RLF: variants seen among roughly 807,000 people sequenced by gnomAD.
RLF encodes RLF zinc finger.
Under a neutral mutation model 162.9 loss-of-function variants are expected in RLF, and 7 were observed. The observed-to-expected ratio is 0.04, with a 90% CI of 0.02 to 0.08. The LOEUF is 0.08. Among genes scored for constraint, RLF ranks in the 10% least tolerant of loss-of-function variants. The probability of loss-of-function intolerance (pLI) is 1.00; values close to 1 mark genes in which losing one functional copy is unlikely to be tolerated. For synonymous variants in RLF, 782 were observed against 791.5 expected (o/e 0.99, Z 0.20); for missense variants, 1,664 against 2,244.7 (o/e 0.74, Z 5.23).
chr1:40,235,813 G>T lies in RLF; in HGVS notation c.1111G>T (p.Val371Leu). 4 of 1,592,746 alleles carry T rather than the reference G, an allele frequency of 2.5e-6. No individual in the cohort carries two copies. The highest frequency in any genetic ancestry group is 4.5e-5 in the East Asian group (2 of 44,506). The change falls in exon 8 of 8, where the codon GTG (valine) becomes TTG (leucine). Residue 371 changes from valine (V) to leucine (L), a missense_variant. This residue lies in a region of RLF where 287 missense variants were observed against 404.9 expected (regional missense o/e 0.71). Coordinates refer to ENST00000372771, the MANE Select transcript of RLF (RefSeq NM_012421.4). ...ACAGGCACAAGATGCTGGTCTTGGG[G>T]TGTCAATTTTACTGTGTGTCAGAGC... The part of the protein sequence containing the change: ...QTEAQDAGLG[V>L]SILLCVRALQ...
intron 4 of RLF, among the ~76,000 whole-genome samples, chr1:40,198,627 T>A (rs1456821895): frequency 6.6e-6 from 1 of 152,162 alleles, no homozygotes; most frequent in East Asian, 1.9e-4. Context: ...GGATCTTAAG[T>A]GTTACTGTTT....
At position 40,168,081 on chromosome 1, in the gene RLF, T is replaced by G. The variant is rs565136814; in HGVS notation, c.237+6445T>G. Among the ~76,000 whole-genome samples the G allele has an allele frequency of 2.2e-4, 34 of 151,814 alleles. No homozygotes were observed. In the South Asian group the frequency reaches 6.7e-3, roughly 30 times the overall value. ...TAAAAATTAGCCAGGTGTGGTAATA[T>G]TAGCACACCTGTGATCCCAGCTACT... On this transcript the variant is annotated intron_variant, in intron 1 of 7. Transcript: ENST00000372771.
intron 5 of RLF, 103 bp downstream of exon 5, chr1:40,202,717 A>AT (rs952877367): frequency 2.8e-4 from 193 of 689,662 alleles, no homozygotes; most frequent in Non-Finnish European, 4.0e-4. Context: ...ACCAAGATTC[A>AT]TTTTTTTCAG....
At chr1:40,231,475 C>G in intron 6 of RLF, 42 bp from the exon 7 acceptor site, 1 of 1,585,380 alleles carries the variant, frequency 6.3e-7, no homozygotes, top group Non-Finnish European at 8.6e-7. Flanking sequence ...CAGCAAATAC[C>G]AGTTACTTTA....
intron 5 of RLF, among the ~76,000 whole-genome samples, chr1:40,221,841 A>G (rs547233063): frequency 1.4e-5 from 2 of 145,384 alleles, no homozygotes; most frequent in East Asian, 4.1e-4. Context: ...CGGAGGTTGC[A>G]GTGAGCTGAG....
intron 4 of RLF, among the ~76,000 whole-genome samples, chr1:40,201,282 G>A (rs917081073): frequency 6.6e-6 from 1 of 151,676 alleles, no homozygotes; most frequent in African/African-American, 2.4e-5. Context: ...TATTCTTTAA[G>A]TAATACTATG....
chr1:40,216,582 A>G (rs1642927209), intron 5 of RLF, among the ~76,000 whole-genome samples: 1 of 152,138 alleles, frequency 6.6e-6, no homozygotes, highest in Admixed American at 6.5e-5. Flanking sequence ...TAAAGAGGGT[A>G]ATTTAAAAAT....
rs1173941661 is a variant in RLF at position 40,238,551 on chromosome 1, A to T, written c.3849A>T (p.Glu1283Asp). Residue 1283 changes from glutamate (E) to aspartate (D), a missense_variant, in exon 8 of 8, where the codon GAA becomes GAT. Physicochemically the swap from Glu to Asp is conservative, Grantham distance 45. This residue lies in a region of RLF where 102 missense variants were observed against 109.5 expected (regional missense o/e 0.93). Transcript: ENST00000372771. The surrounding 1 kb of genome is among the most constrained non-coding windows in gnomAD (Gnocchi z 5.2). The stretch of plus-strand genomic sequence containing the variant: ...TAGGCAGCCATAGAGAAGAACAAGA[A>T]GGAAGAGAGGGCAGAGGTAGCAGGC... ...SPIGSHREEQ[E>D]GREGRGSRRT... 1.2e-6 allele frequency: 2 copies of T among 1,613,896 alleles called. No individual in the cohort carries two copies. Among genetic ancestry groups the T allele is most frequent in the South Asian group, 2.2e-5 (2 of 91,080 alleles).
intron 1 of RLF, among the ~76,000 whole-genome samples, chr1:40,162,132 T>C (rs1054353789): frequency 6.6e-6 from 1 of 152,072 alleles, no homozygotes; most frequent in African/African-American, 2.4e-5. Context: ...TCGAAAGGCG[T>C]CTAGAGCTTT....
Position 40,236,021 on chromosome 1 carries a change from T to A in RLF, c.1319T>A (p.Phe440Tyr). 1.2e-6 allele frequency: 2 copies of A among 1,613,234 alleles called. No individual in the cohort carries two copies. Among genetic ancestry groups the A allele is most frequent in the Non-Finnish European group, 1.7e-6 (2 of 1,179,788 alleles). The part of the protein sequence containing the change: ...EELYLQPDQK[F>Y]DEENAPVPNS... ...CTATATTTGCAACCAGATCAAAAATTTGATGAAGAAAATGCACCGGTTCCA... is the reference window on the plus strand; with the variant it reads ...CTATATTTGCAACCAGATCAAAAATATGATGAAGAAAATGCACCGGTTCCA... Residue 440 changes from phenylalanine to tyrosine, a missense_variant, in exon 8 of 8, where the codon TTT becomes TAT. Phe to Tyr is a conservative substitution (Grantham distance 22, BLOSUM62 3). This residue lies in a region of RLF where 287 missense variants were observed against 404.9 expected (regional missense o/e 0.71). Transcript: ENST00000372771. This position sits in a 1 kb window ranked among gnomAD's most constrained non-coding sequence, Gnocchi z 7.7.
Position 40,240,409 on chromosome 1 carries a change from A to G in RLF, c.5707A>G (p.Thr1903Ala). 1 of 1,613,928 alleles carries G rather than the reference A, an allele frequency of 6.2e-7. No individual in the cohort carries two copies. Among genetic ancestry groups the G allele is most frequent in the Admixed American group, 1.7e-5 (1 of 59,960 alleles). Residue 1903 changes from threonine (T) to alanine (A), a missense_variant, in exon 8 of 8, where the codon ACA becomes GCA. Thr to Ala is a moderately conservative substitution (Grantham distance 58). Around this residue, in one of 15 missense-constraint regions of RLF, gnomAD observed 27 missense variants for 52.5 expected, o/e 0.51. Coordinates refer to ENST00000372771, the MANE Select transcript of RLF (RefSeq NM_012421.4). The stretch of plus-strand genomic sequence containing the variant: ...CACACCAATTTTAGACTTATTTCCA[A>G]CAAAAAAGACAGATGAGCTTTGTGT... ...FSTPILDLFP[T>A]KKTDELCVGS...
chr1:40,195,301 T>A (rs1642618613), intron 3 of RLF, among the ~76,000 whole-genome samples: 1 of 151,732 alleles, frequency 6.6e-6, no homozygotes, highest in Non-Finnish European at 1.5e-5. Context: ...ATACAAAAAT[T>A]AGCTGGGCGC....
rs115595649 is a variant in RLF, at chr1:40,170,590, T to C, written c.237+8954T>C. Among the ~76,000 whole-genome samples the C allele has an allele frequency of 4.2e-3, 637 of 152,292 alleles. 7 individuals carry two copies. Among genetic ancestry groups the C allele is most frequent in the African/African-American group, 0.015 (621 of 41,566 alleles). Reference sequence around the variant, plus strand: ...CATGTTTCCTTCAGTTCTTTGAATATACAGTTGGTTCTCGCTATTTGCAGA... The same window carrying C: ...CATGTTTCCTTCAGTTCTTTGAATACACAGTTGGTTCTCGCTATTTGCAGA... On this transcript the variant is annotated intron_variant, in intron 1 of 7. Coordinates refer to ENST00000372771, the MANE Select transcript of RLF (RefSeq NM_012421.4).
chr1:40,162,164 G>T (rs1642097448), intron 1 of RLF, among the ~76,000 whole-genome samples: 1 of 151,928 alleles, frequency 6.6e-6, no homozygotes, highest in Admixed American at 6.6e-5. Context: ...TTGCGGAGCC[G>T]GTTGGTTGTT....
At chr1:40,202,910 C>T (rs1642737727) in intron 5 of RLF, among the ~76,000 whole-genome samples, 2 of 151,952 alleles carry the variant, frequency 1.3e-5, no homozygotes, top group South Asian at 2.1e-4. Context: ...AAAGTAATGA[C>T]GTCTCCATGT....
At chr1:40,164,104 G>A (rs1399236472) in intron 1 of RLF, among the ~76,000 whole-genome samples, 1 of 152,058 alleles carries the variant, frequency 6.6e-6, no homozygotes, top group Non-Finnish European at 1.5e-5. Context: ...CAGTTTTCTC[G>A]GACTCTAGGA....
At chr1:40,235,636 G>A (rs1643207735) in intron 7 of RLF, among the ~76,000 whole-genome samples, 156 bp from the exon 8 acceptor site, 1 of 152,080 alleles carries the variant, frequency 6.6e-6, no homozygotes, top group Admixed American at 6.5e-5. Flanking sequence ...TGCATGTTGA[G>A]ACAAGAAATA....
chr1:40,213,830 A>T (rs193101648), intron 5 of RLF, among the ~76,000 whole-genome samples: 3 of 152,250 alleles, frequency 2.0e-5, no homozygotes. Flanking sequence ...GAGAAAGGTA[A>T]TGATAAAATA....
intron 5 of RLF, among the ~76,000 whole-genome samples, chr1:40,203,774 T>C (rs1462043461): frequency 1.3e-5 from 2 of 152,138 alleles, no homozygotes; most frequent in Non-Finnish European, 2.9e-5. Flanking sequence ...TTATTAGATG[T>C]AGTAGTCCCA....
Sources: gnomAD v4.1 joint callset for allele counts (sites outside exome capture counted in the v4.1 genomes callset) on GRCh38, gnomAD v4.1.1 for gene constraint, gnomAD v4.1.1 regional missense constraint, Gnocchi (gnomAD v3.1) non-coding constraint, MANE v1.5 for transcripts, NCBI Gene and HGNC (gene_info 2026-07-23, HGNC 2026-07-21) for gene names.